Variants in NKAIN2 observed in about 807,000 individuals in gnomAD.
The protein encoded by NKAIN2 is sodium/potassium transporting ATPase interacting 2.
A neutral mutation model predicts 32.6 loss-of-function variants in NKAIN2; 14 were observed. The ratio of observed to expected loss-of-function variants is 0.43; its 90% CI spans 0.28 to 0.67. NKAIN2 has a LOEUF of 0.67. Ranked by LOEUF, NKAIN2 falls within the 30% of genes least tolerant of loss-of-function variation. The pLI, the probability that NKAIN2 is intolerant of heterozygous loss-of-function variation, is 0.17. For missense variants in NKAIN2, 198 were observed against 258.3 expected, an observed-to-expected ratio of 0.77 and a Z score of 1.60; for synonymous variants, 80 against 87.2, an observed-to-expected ratio of 0.92 and a Z score of 0.46.
chr6:124,401,511 C>T (rs1282430739), intron 3 of NKAIN2, among the ~76,000 whole-genome samples: 1 of 152,168 alleles, frequency 6.6e-6, no homozygotes, highest in Non-Finnish European at 1.5e-5. Flanking sequence ...ATATAGCCTT[C>T]AATACCTGAA....
At chr6:124,392,726 G>T (rs972005767) in intron 3 of NKAIN2, among the ~76,000 whole-genome samples, 1 of 152,052 alleles carries the variant, frequency 6.6e-6, no homozygotes, top group Non-Finnish European at 1.5e-5. Context: ...ATTTTTGAAG[G>T]GTAGAACAAT....
chr6:123,900,005 T>G lies in NKAIN2; in HGVS notation c.54+95751T>G, dbSNP rs560450987. ...TCGACCTGCTTAGCGAGGCTGGGCT[T>G]ACCTGTTGGCCTGGAACCCTCAACC... On this transcript the variant is annotated intron_variant, in intron 1 of 6. Coordinates refer to ENST00000368417, the MANE Select transcript of NKAIN2 (RefSeq NM_001040214.3). Among the ~76,000 whole-genome samples, 10 of 152,278 alleles carry G rather than the reference T, an allele frequency of 6.6e-5. No homozygotes were observed. In the South Asian group the frequency reaches 2.1e-3, roughly 32 times the overall value.
intron 3 of NKAIN2, among the ~76,000 whole-genome samples, chr6:124,508,406 T>G (rs979922300): frequency 2.6e-5 from 4 of 151,994 alleles, no homozygotes; most frequent in East Asian, 1.9e-4. Context: ...GTGCAGTGGC[T>G]TGATCTCGGC....
At chr6:124,705,963 G>C (rs1394742248) in intron 4 of NKAIN2, among the ~76,000 whole-genome samples, 1 of 152,086 alleles carries the variant, frequency 6.6e-6, no homozygotes, top group Non-Finnish European at 1.5e-5. Flanking sequence ...CACACATACT[G>C]TTGGTGACCA....
At chr6:124,261,305 G>A (rs1036038540) in intron 1 of NKAIN2, among the ~76,000 whole-genome samples, 1 of 152,016 alleles carries the variant, frequency 6.6e-6, no homozygotes, top group South Asian at 2.1e-4. Context: ...AACTAAGCAT[G>A]TTGACATCCA....
chr6:124,771,626 G>GA (rs1778760680), intron 4 of NKAIN2, among the ~76,000 whole-genome samples: 1 of 152,122 alleles, frequency 6.6e-6, no homozygotes, highest in East Asian at 1.9e-4. Context: ...TTTATATGTA[G>GA]ATTATAGTGT....
chr6:124,345,846 C>G (rs1005983010), intron 2 of NKAIN2, among the ~76,000 whole-genome samples: 17 of 152,012 alleles, frequency 1.1e-4, no homozygotes, highest in Admixed American at 6.5e-5. Flanking sequence ...CAGTTGTGTT[C>G]TGATTTTAGT....
intron 3 of NKAIN2, among the ~76,000 whole-genome samples, chr6:124,454,281 C>A (rs1056399213): frequency 1.3e-5 from 2 of 151,856 alleles, no homozygotes; most frequent in African/African-American, 4.8e-5. Context: ...CTGTTTTAGT[C>A]CAGTCCCACC....
In NKAIN2 at chr6:123,980,583, T is replaced by C. The variant is rs149588078; in HGVS notation, c.54+176329T>C. Among the ~76,000 whole-genome samples, 661 of 152,282 alleles carry C rather than the reference T, an allele frequency of 4.3e-3. 2 individuals are homozygous for C. The highest frequency in any genetic ancestry group is 0.015 in the African/African-American group (642 of 41,556). On this transcript the variant is annotated intron_variant, in intron 1 of 6. Coordinates refer to ENST00000368417, the MANE Select transcript of NKAIN2 (RefSeq NM_001040214.3). ...ATGTCACTAAAGCCCAAGAGTAATG[T>C]CACTTTAGAATTACAAAACAGAAGG...
intron 1 of NKAIN2, among the ~76,000 whole-genome samples, chr6:124,197,753 T>A (rs555677644): frequency 1.8e-4 from 27 of 151,676 alleles, no homozygotes; most frequent in Non-Finnish European, 3.5e-4. Flanking sequence ...TGGTAATCAA[T>A]CTCCTCTCTT....
chr6:124,151,171 A>C (rs927830090), intron 1 of NKAIN2, among the ~76,000 whole-genome samples: 2 of 151,908 alleles, frequency 1.3e-5, no homozygotes, highest in Non-Finnish European at 2.9e-5. Flanking sequence ...GAGCAAAGGG[A>C]AGAAAACTTT....
rs954480023 is a variant in NKAIN2 at position 124,529,292 on chromosome 6, C to G, written c.274-128894C>G. 2.6e-5 allele frequency among the ~76,000 whole-genome samples: 4 copies of G among 152,012 alleles called. No homozygotes were observed. In the South Asian group the frequency reaches 6.2e-4, roughly 24 times the overall value. ...ATAACGTTACTAAAAGGTACGGGGC[C>G]CACCCTGATGTAGGCTGGGCCTAAA... On this transcript the variant is annotated intron_variant, in intron 3 of 6. Transcript: ENST00000368417.
intron 3 of NKAIN2, among the ~76,000 whole-genome samples, chr6:124,454,115 G>C (rs943021123): frequency 4.3e-5 from 6 of 138,494 alleles, no homozygotes; most frequent in South Asian, 2.3e-4. Context: ...TTGGGGGGGG[G>C]GGTTGCTGGT....
At chr6:124,807,903 C>T (rs185038039) in intron 5 of NKAIN2, among the ~76,000 whole-genome samples, 8 of 150,392 alleles carry the variant, frequency 5.3e-5, no homozygotes, top group Non-Finnish European at 1.0e-4. Context: ...ATGAATTCCT[C>T]GACACATACA....
rs139632272 is a variant in NKAIN2, at chr6:124,329,873, A to AAC, written c.193-25393_193-25392insCA. On this transcript the variant is annotated intron_variant, in intron 2 of 6. Coordinates refer to ENST00000368417, the MANE Select transcript of NKAIN2 (RefSeq NM_001040214.3). ...TTCTAAGATCGTATGTTGTTGGAAC[A>AAC]AACATTCTATATGGCCTCAGTGACT... 9.8e-3 allele frequency among the ~76,000 whole-genome samples: 1,495 copies of AAC among 152,316 alleles called. 30 individuals carry two copies. Among genetic ancestry groups the AAC allele is most frequent in the African/African-American group, 0.035 (1,441 of 41,568 alleles).
chr6:124,638,597 A>C (rs1385504240), intron 3 of NKAIN2, among the ~76,000 whole-genome samples: 2 of 152,174 alleles, frequency 1.3e-5, no homozygotes, highest in Non-Finnish European at 1.5e-5. Context: ...TAATTCAATT[A>C]AAAGATAAGC....
At chr6:123,903,916 T>A (rs1774727416) in intron 1 of NKAIN2, among the ~76,000 whole-genome samples, 1 of 151,934 alleles carries the variant, frequency 6.6e-6, no homozygotes, top group Admixed American at 6.6e-5. Flanking sequence ...TACGCATTTT[T>A]TTTTTTTCTA....
At chr6:124,428,389 A>G (rs1775072066) in intron 3 of NKAIN2, among the ~76,000 whole-genome samples, 1 of 152,136 alleles carries the variant, frequency 6.6e-6, no homozygotes, top group Non-Finnish European at 1.5e-5. Flanking sequence ...CTCTGGGCTG[A>G]GATGCCATAT....
At chr6:123,866,456 A>T (rs1772518360) in intron 1 of NKAIN2, among the ~76,000 whole-genome samples, 1 of 151,770 alleles carries the variant, frequency 6.6e-6, no homozygotes, top group Non-Finnish European at 1.5e-5. Context: ...TTTGAGACGG[A>T]GTCTCGCTCT....
Sources: gnomAD v4.1 joint callset for allele counts (sites outside exome capture counted in the v4.1 genomes callset) on GRCh38, gnomAD v4.1.1 for gene constraint, MANE v1.5 for transcripts, NCBI Gene and HGNC (gene_info 2026-07-23, HGNC 2026-07-21) for gene names.